SPTLC3: variants seen among roughly 807,000 people sequenced by gnomAD.
The protein encoded by SPTLC3 is serine palmitoyltransferase 3.
SPTLC3 carries 36 observed loss-of-function variants against 59.3 expected under a neutral mutation model. The ratio of observed to expected loss-of-function variants is 0.61; its 90% CI spans 0.47 to 0.80. The LOEUF (loss-of-function observed/expected upper bound fraction) is 0.80, where lower values mean the gene tolerates loss of function less well. SPTLC3 is among the 30% of genes least tolerant of loss of function. SPTLC3 has a pLI of 0.00. For missense variants in SPTLC3, 625 were observed against 685.1 expected (o/e 0.91, Z 0.98); for synonymous variants, 257 against 240.8 (o/e 1.07, Z -0.62).
chr20:13,142,582 A>G (rs1381485823), intron 9 of SPTLC3, among the ~76,000 whole-genome samples: 2 of 152,156 alleles, frequency 1.3e-5, no homozygotes, highest in Non-Finnish European at 2.9e-5. Context: ...TTTCTACATT[A>G]CGAATTACCA....
intron 9 of SPTLC3, among the ~76,000 whole-genome samples, chr20:13,150,131 C>T (rs2038609453): frequency 6.6e-6 from 1 of 152,108 alleles, no homozygotes; most frequent in Non-Finnish European, 1.5e-5. Flanking sequence ...TTACCATAGC[C>T]CTCTTTTCCT....
chr20:13,165,715 T>C lies in SPTLC3; in HGVS notation c.*848T>C, dbSNP rs1435286024. On this transcript the variant is annotated 3_prime_UTR_variant, in exon 12 of 12. Coordinates refer to ENST00000399002, the MANE Select transcript of SPTLC3 (RefSeq NM_018327.4). ...AGCCTCTATTACCTTAAGGAATTAGTTGTCATTTTCCTATTGAATTTTGAG... is the reference window on the plus strand; with the variant it reads ...AGCCTCTATTACCTTAAGGAATTAGCTGTCATTTTCCTATTGAATTTTGAG... 6.6e-6 allele frequency: 1 copy of C among 152,232 alleles called. No homozygotes were observed. Among genetic ancestry groups the C allele is most frequent in the Non-Finnish European group, 1.5e-5 (1 of 68,042 alleles). The allele number at this position is 152,232 out of a possible 1,614,324, so 9.4% of individuals were successfully genotyped here. A position where few individuals can be genotyped will look rare whatever the true frequency, so the allele number is the denominator to read the frequency against.
At chr20:13,059,541 A>G (rs1053206876) in intron 2 of SPTLC3, among the ~76,000 whole-genome samples, 1 of 152,128 alleles carries the variant, frequency 6.6e-6, no homozygotes, top group Non-Finnish European at 1.5e-5. Context: ...CTATCCTACT[A>G]TCCCTTACAG....
chr20:13,158,914 G>A (rs943597860), intron 10 of SPTLC3, among the ~76,000 whole-genome samples: 3 of 152,204 alleles, frequency 2.0e-5, no homozygotes, highest in African/African-American at 7.2e-5. Flanking sequence ...ATGTTTCTCT[G>A]GTGCTGTCAG....
At chr20:13,111,006 C>T (rs1379642527) in intron 7 of SPTLC3, among the ~76,000 whole-genome samples, 1 of 152,040 alleles carries the variant, frequency 6.6e-6, no homozygotes, top group Non-Finnish European at 1.5e-5. Flanking sequence ...CCTGAGTGCA[C>T]ATTTTTTCTG....
At chr20:13,138,337 C>T (rs1013848672) in intron 9 of SPTLC3, among the ~76,000 whole-genome samples, 9 of 152,156 alleles carry the variant, frequency 5.9e-5, no homozygotes, top group Non-Finnish European at 2.9e-5. Flanking sequence ...GCTCTCATCC[C>T]TCCCCACAAT....
intron 1 of SPTLC3, among the ~76,000 whole-genome samples, chr20:13,033,809 G>A (rs1031355288): frequency 1.3e-5 from 2 of 152,132 alleles, no homozygotes; most frequent in African/African-American, 4.8e-5. Context: ...ATACAAGGTG[G>A]TGAGTGTAAT....
intron 5 of SPTLC3, among the ~76,000 whole-genome samples, chr20:13,092,286 T>G (rs1989250684): frequency 6.6e-6 from 1 of 152,208 alleles, no homozygotes; most frequent in African/African-American, 2.4e-5. Flanking sequence ...GTAATGACAA[T>G]CATGCTGGTG....
At position 13,133,540 on chromosome 20, in the gene SPTLC3, C is replaced by T. The variant is rs1182121092; in HGVS notation, c.1279+6823C>T. On this transcript the variant is annotated intron_variant, in intron 9 of 11. Coordinates refer to ENST00000399002, the MANE Select transcript of SPTLC3 (RefSeq NM_018327.4). ...CTTGAGGTCAGGAGTTCGAGACCAA[C>T]CTGGCCAACAAGGCAAAACCCCGTC... Among the ~76,000 whole-genome samples, 3 of 152,152 alleles carry T rather than the reference C, an allele frequency of 2.0e-5. No individual in the cohort carries two copies. In the East Asian group the frequency reaches 5.8e-4, roughly 29 times the overall value.
At chr20:13,076,472 CT>C (rs1191916331) in intron 4 of SPTLC3, among the ~76,000 whole-genome samples, 2 of 151,996 alleles carry the variant, frequency 1.3e-5, no homozygotes, top group Non-Finnish European at 2.9e-5. Context: ...TATTTAATCA[CT>C]AAAAAATAAC....
chr20:13,053,442 A>G (rs1987583354), intron 2 of SPTLC3, among the ~76,000 whole-genome samples: 1 of 152,084 alleles, frequency 6.6e-6, no homozygotes, highest in Admixed American at 6.6e-5. Flanking sequence ...ATGAGGAAAA[A>G]CCAGCACAAA....
At chr20:13,020,193 C>T (rs894442129) in intron 1 of SPTLC3, among the ~76,000 whole-genome samples, 2 of 151,948 alleles carry the variant, frequency 1.3e-5, no homozygotes, top group Non-Finnish European at 2.9e-5. Flanking sequence ...CAGCAAGCCC[C>T]ATGTGTGTTA....
intron 1 of SPTLC3, among the ~76,000 whole-genome samples, chr20:13,015,853 T>C (rs1252360437): frequency 6.6e-6 from 1 of 152,040 alleles, no homozygotes; most frequent in Non-Finnish European, 1.5e-5. Context: ...TTTAAAATAA[T>C]ATTTACATGG....
intron 2 of SPTLC3, among the ~76,000 whole-genome samples, chr20:13,063,341 A>C (rs1477150153): frequency 1.3e-5 from 2 of 152,140 alleles, no homozygotes; most frequent in African/African-American, 4.8e-5. Flanking sequence ...ATGTGTTTTA[A>C]ATATTTCTCC....
intron 11 of SPTLC3, among the ~76,000 whole-genome samples, chr20:13,161,264 G>A (rs1296234891): frequency 2.0e-5 from 3 of 152,160 alleles, no homozygotes; most frequent in Non-Finnish European, 4.4e-5. Context: ...TATACAGTAA[G>A]GAACAGCAAA....
intron 2 of SPTLC3, 38 bp from the exon 3 acceptor site, chr20:13,072,218 A>G: frequency 1.3e-6 from 2 of 1,570,796 alleles, no homozygotes; most frequent in Non-Finnish European, 1.7e-6. Flanking sequence ...TCCAGAAAGC[A>G]AAGAACCAGA....
chr20:13,131,197 A>G (rs2038112891), intron 9 of SPTLC3, among the ~76,000 whole-genome samples: 1 of 152,182 alleles, frequency 6.6e-6, no homozygotes, highest in Non-Finnish European at 1.5e-5. Context: ...TTTTTCAAGT[A>G]ATCAATCAAC....
intron 8 of SPTLC3, among the ~76,000 whole-genome samples, chr20:13,124,498 G>A (rs1205389956): frequency 6.6e-6 from 1 of 150,788 alleles, no homozygotes; most frequent in Non-Finnish European, 1.5e-5. Context: ...AGGAAAGGAA[G>A]AAACAAAAAA....
intron 1 of SPTLC3, among the ~76,000 whole-genome samples, chr20:13,014,347 A>G (rs1297400565): frequency 6.6e-6 from 1 of 152,224 alleles, no homozygotes; most frequent in East Asian, 1.9e-4. Context: ...TGGGAAGACA[A>G]CTTGCTTCAG....
Sources: allele counts gnomAD v4.1 joint callset (sites outside exome capture counted in the v4.1 genomes callset), GRCh38; gene constraint gnomAD v4.1.1; transcripts MANE v1.5; gene names NCBI Gene and HGNC (gene_info 2026-07-23, HGNC 2026-07-21).